RPAIN: variants seen among roughly 807,000 people sequenced by gnomAD.
The protein encoded by RPAIN is RPA-interacting protein.
RPAIN carries 29 observed loss-of-function variants against 30.5 expected under a neutral mutation model. The ratio of observed to expected loss-of-function variants is 0.95; its 90% CI spans 0.71 to 1.30. The LOEUF is 1.30. Ranked by LOEUF, RPAIN falls within the 50% of genes most tolerant of loss-of-function variation. The pLI is 0.00. For missense variants in RPAIN, 247 were observed against 264.7 expected, an observed-to-expected ratio of 0.93 and a Z score of 0.46; for synonymous variants, 101 against 93.5, an observed-to-expected ratio of 1.08 and a Z score of -0.46.
intron 3 of RPAIN, chr17:5,423,115 C>T (rs1275960868): frequency 3.7e-6 from 1 of 268,492 alleles, no homozygotes. Flanking sequence ...TTGGTGTTCT[C>T]GTGCAGGTCA....
chr17:5,424,361 A>C (rs1915181040), intron 3 of RPAIN, among the ~76,000 whole-genome samples: 1 of 152,034 alleles, frequency 6.6e-6, no homozygotes, highest in South Asian at 2.1e-4. Context: ...AAACAGCTGG[A>C]CTCAAACCAT....
intron 3 of RPAIN, among the ~76,000 whole-genome samples, chr17:5,424,763 T>C (rs1162299830): frequency 2.6e-5 from 4 of 152,256 alleles, no homozygotes; most frequent in Non-Finnish European, 5.9e-5. Context: ...ATAAGTGCCA[T>C]GCAAGTGTTA....
chr17:5,432,579 T>C lies in RPAIN; in HGVS notation c.*8T>C, dbSNP rs1916090911. On this transcript the variant is annotated 3_prime_UTR_variant, in exon 7 of 7. Coordinates refer to ENST00000381209, the MANE Select transcript of RPAIN (RefSeq NM_001033002.4). ...TGGGCTGTGATCCTCTAGAGCCAGC[T>C]TGGACTCACATCATTCTATGGGGTT... 1.9e-6 allele frequency: 3 copies of C among 1,613,642 alleles called. No individual in the cohort carries two copies. The highest frequency in any genetic ancestry group is 2.7e-5 in the African/African-American group (2 of 75,040).
chr17:5,422,352 G>C (rs1312225266), intron 2 of RPAIN, among the ~76,000 whole-genome samples: 5 of 152,158 alleles, frequency 3.3e-5, no homozygotes, highest in Non-Finnish European at 5.9e-5. Flanking sequence ...TTATTCAGTG[G>C]CTTTTGTGTG....
chr17:5,428,269 C>T, intron 6 of RPAIN, 58 bp downstream of exon 6: 1 of 1,613,000 alleles, frequency 6.2e-7, no homozygotes. Flanking sequence ...GGTTTTATTC[C>T]CACCTTGATA....
intron 6 of RPAIN, chr17:5,430,627 A>G (rs967130229): frequency 2.0e-5 from 3 of 152,288 alleles, no homozygotes; most frequent in African/African-American, 4.8e-5. Flanking sequence ...TGTCACCTGT[A>G]ACAGTGTTGT....
rs776360500 is a variant in RPAIN, at chr17:5,422,832, A to T, written c.313+3A>T. On this transcript the variant is annotated splice_donor_region_variant and intron_variant, in intron 3 of 6. Coordinates refer to ENST00000381209, the MANE Select transcript of RPAIN (RefSeq NM_001033002.4). ...TCAACAGGAGCTGATCAACCAAGGTAACCCCTAGTGGTAGTCCTTCCTTAC... is the reference window on the plus strand; with the variant it reads ...TCAACAGGAGCTGATCAACCAAGGTTACCCCTAGTGGTAGTCCTTCCTTAC... The T allele has an allele frequency of 6.2e-7, 1 of 1,603,366 alleles. No individual in the cohort carries two copies. Among genetic ancestry groups the T allele is most frequent in the Non-Finnish European group, 8.5e-7 (1 of 1,171,200 alleles).
At chr17:5,420,887 G>A (rs4493114) in intron 1 of RPAIN, among the ~76,000 whole-genome samples, 45,360 of 152,090 alleles carry the variant, frequency 0.3, 7,992 homozygotes, top group East Asian at 0.82. Context: ...GTGACAACCA[G>A]AAATGTCTCC....
At position 5,420,288 on chromosome 17, in the gene RPAIN, G is replaced by T; in HGVS notation, c.78G>T (p.Arg26=). The T allele has an allele frequency of 1.2e-6, 2 of 1,613,362 alleles. No homozygotes were observed. The highest frequency in any genetic ancestry group is 1.7e-6 in the Non-Finnish European group (2 of 1,179,822). The change falls in exon 1 of 7, where the codon CGG becomes CGT. Residue 26 remains arginine, a synonymous_variant. Coordinates refer to ENST00000381209, the MANE Select transcript of RPAIN (RefSeq NM_001033002.4). Reference sequence around the variant, plus strand: ...CGCCGCCTTGGAAAGAGGCTTTCCGGCAGGTGGGTATGGGGTTTGTGCAGT... The same window carrying T: ...CGCCGCCTTGGAAAGAGGCTTTCCGTCAGGTGGGTATGGGGTTTGTGCAGT... ...VGSPPWKEAF[R]QRCLERMRNS...
chr17:5,422,745 T>C (rs1403970724), intron 2 of RPAIN, 24 bp from the exon 3 acceptor site: 1 of 1,610,954 alleles, frequency 6.2e-7, no homozygotes, highest in Non-Finnish European at 8.5e-7. Context: ...TTCAAACTTC[T>C]GATGCCGCTC....
chr17:5,425,172 T>G (rs1357984709), intron 3 of RPAIN: 4 of 383,676 alleles, frequency 1.0e-5, no homozygotes, highest in Non-Finnish European at 2.0e-5. Context: ...ATGTCTAGAC[T>G]GTGAGCTCAA....
chr17:5,425,570 G>T (rs751956147), intron 3 of RPAIN: 117 of 349,756 alleles, frequency 3.3e-4, no homozygotes, highest in Middle Eastern at 1.0e-3. Flanking sequence ...TCCTGACCTC[G>T]AGTGATCTGC....
intron 2 of RPAIN, among the ~76,000 whole-genome samples, chr17:5,422,232 GT>G (rs1195655235): frequency 3.3e-5 from 5 of 152,148 alleles, no homozygotes; most frequent in Non-Finnish European, 5.9e-5. Context: ...TTGAGGTTTA[GT>G]TTTCACATTT....
At chr17:5,424,154 A>G (rs1915157896) in intron 3 of RPAIN, among the ~76,000 whole-genome samples, 1 of 150,960 alleles carries the variant, frequency 6.6e-6, no homozygotes, top group African/African-American at 2.4e-5. Context: ...TACCGAGCTA[A>G]TTTTTTTATT....
rs1022370938 is a variant in RPAIN at position 5,426,093 on chromosome 17, T to C, written c.425+11T>C. 2.5e-6 allele frequency: 4 copies of C among 1,599,982 alleles called. No individual in the cohort carries two copies. The African/African-American group carries it at 5.4e-5, about 21-fold the overall frequency. On this transcript the variant is annotated intron_variant, in intron 4 of 6. Coordinates refer to ENST00000381209, the MANE Select transcript of RPAIN (RefSeq NM_001033002.4). Reference sequence around the variant, plus strand: ...TCCTGTATGTACAAAGTAAGAGTTTTTAAAACCTTTTCAGCATTATTCGTT... The same window carrying C: ...TCCTGTATGTACAAAGTAAGAGTTTCTAAAACCTTTTCAGCATTATTCGTT...
intron 6 of RPAIN, chr17:5,429,416 G>C (rs1915699630): frequency 1.0e-6 from 1 of 985,432 alleles, no homozygotes; most frequent in Non-Finnish European, 1.2e-6. Flanking sequence ...AGGTTCATGA[G>C]GGAGAGGATA....
chr17:5,432,473 C>A, intron 6 of RPAIN, 69 bp from the exon 7 acceptor site: 1 of 1,426,152 alleles, frequency 7.0e-7, no homozygotes, highest in Non-Finnish European at 9.9e-7. Context: ...TCATTGATTA[C>A]AACTTTTATC....
chr17:5,421,811 T>C (rs577419228), intron 2 of RPAIN: 8 of 159,326 alleles, frequency 5.0e-5, no homozygotes, highest in Admixed American at 3.2e-4. Context: ...TTTTTTTTTC[T>C]GTCTTGCTCT....
In RPAIN at chr17:5,426,280, G is replaced by T; in HGVS notation, c.470G>T (p.Gly157Val). The change falls in exon 5 of 7, where the codon GGC becomes GTC. Residue 157 changes from glycine to valine, a missense_variant. Coordinates refer to ENST00000381209, the MANE Select transcript of RPAIN (RefSeq NM_001033002.4). ...ITSGVVVCQC[G>V]LSIPSHSSEL... ...AGCGGTGTGGTGGTGTGTCAGTGTG[G>T]CCTGTCCATCCCATCTCATGTGAGT... The T allele has an allele frequency of 6.2e-7, 1 of 1,613,996 alleles. No individual in the cohort carries two copies. The highest frequency in any genetic ancestry group is 1.7e-4 in the Middle Eastern group (1 of 6,060).
Sources: allele counts gnomAD v4.1 joint callset (sites outside exome capture counted in the v4.1 genomes callset), GRCh38; gene constraint gnomAD v4.1.1; transcripts MANE v1.5; gene names NCBI Gene and HGNC (gene_info 2026-07-23, HGNC 2026-07-21).